The following ZNF704 variants were observed in gnomAD, a reference collection of about 807,000 sequenced individuals.
The protein encoded by ZNF704 is glucocorticoid induced gene 1.
Under a neutral mutation model 44.7 loss-of-function variants are expected in ZNF704, and 10 were observed. The observed-to-expected ratio is 0.22, with a 90% CI of 0.14 to 0.38. The LOEUF (loss-of-function observed/expected upper bound fraction) is 0.38, where lower values mean the gene tolerates loss of function less well. Among genes scored for constraint, ZNF704 ranks in the 10% least tolerant of loss-of-function variants. ZNF704 has a pLI of 1.00. For synonymous variants in ZNF704, 211 were observed against 207.6 expected, an observed-to-expected ratio of 1.02 and a Z score of -0.14; for missense variants, 390 against 545.5, an observed-to-expected ratio of 0.71 and a Z score of 2.84.
the ZNF704 span, among the ~76,000 whole-genome samples, chr8:80,882,198 G>T: frequency 6.6e-6 from 1 of 152,196 alleles, no homozygotes; most frequent in Non-Finnish European, 1.5e-5. Context: ...TGACTAGACG[G>T]CTTTACGAAA....
chr8:80,773,836 T>C (rs1045479122), intron 2 of ZNF704, among the ~76,000 whole-genome samples: 2 of 152,216 alleles, frequency 1.3e-5, no homozygotes, highest in African/African-American at 4.8e-5. Flanking sequence ...ATGTTCCTAA[T>C]TGTTCATTGA....
rs1332604363 is a variant in ZNF704, at chr8:80,635,059, T to C, written c.*6307A>G. On this transcript the variant is annotated 3_prime_UTR_variant, in exon 9 of 9. Coordinates refer to ENST00000327835, the MANE Select transcript of ZNF704 (RefSeq NM_001033723.3). The stretch of plus-strand genomic sequence containing the variant: ...TCTGAGTGACCTTCTGACCACCTCA[T>C]AAGAGCTGCCCAACGGGTGTATGGC... 3 of 152,232 alleles carry C rather than the reference T, an allele frequency of 2.0e-5. No homozygotes were observed. In the East Asian group the frequency reaches 5.8e-4, roughly 29 times the overall value. The allele number at this position is 152,232 out of a possible 1,614,324, so 9.4% of individuals were successfully genotyped here. A position where few individuals can be genotyped will look rare whatever the true frequency, so the allele number is the denominator to read the frequency against.
In ZNF704 at chr8:80,797,638, G is replaced by A. The variant is rs73262555; in HGVS notation, c.221+23736C>T. Among the ~76,000 whole-genome samples the A allele has an allele frequency of 6.3e-3, 955 of 152,198 alleles. 10 individuals are homozygous for A. Among genetic ancestry groups the A allele is most frequent in the African/African-American group, 0.021 (888 of 41,522 alleles). ...GGAGCAGAGACCTGCAAGGACCCTG[G>A]GCAGGAAGCCCACGGAGGGTTTCCT... On this transcript the variant is annotated intron_variant, in intron 2 of 8. Coordinates refer to ENST00000327835, the MANE Select transcript of ZNF704 (RefSeq NM_001033723.3).
chr8:80,815,102 T>C (rs1428586784), intron 2 of ZNF704, among the ~76,000 whole-genome samples: 8 of 152,214 alleles, frequency 5.3e-5, no homozygotes, highest in African/African-American at 1.9e-4. Flanking sequence ...TTTTAAACTA[T>C]ATAATTCCCA....
chr8:80,753,502 C>T (rs1030705916), intron 2 of ZNF704, among the ~76,000 whole-genome samples: 3 of 151,758 alleles, frequency 2.0e-5, no homozygotes, highest in Non-Finnish European at 4.4e-5. Context: ...CAGTGCTGAG[C>T]CCAAACAACA....
intron 1 of ZNF704, among the ~76,000 whole-genome samples, chr8:80,823,819 T>C (rs1808322503): frequency 6.6e-6 from 1 of 152,212 alleles, no homozygotes; most frequent in South Asian, 2.1e-4. Context: ...GGGTCTGAAG[T>C]GGACCTCCAG....
intron 6 of ZNF704, among the ~76,000 whole-genome samples, chr8:80,663,245 G>T (rs1818129558): frequency 6.6e-6 from 1 of 151,862 alleles, no homozygotes; most frequent in Admixed American, 6.6e-5. Flanking sequence ...GCTGGATGTG[G>T]TAGTGCACAC....
chr8:80,642,971 G>T, intron 8 of ZNF704, 64 bp downstream of exon 8: 1 of 1,088,180 alleles, frequency 9.2e-7, no homozygotes, highest in Non-Finnish European at 1.3e-6. Context: ...GGTTCTCTCT[G>T]CTGTTCTGTT....
At chr8:80,844,025 A>C (rs1291891357) in intron 1 of ZNF704, among the ~76,000 whole-genome samples, 1 of 151,218 alleles carries the variant, frequency 6.6e-6, no homozygotes, top group Non-Finnish European at 1.5e-5. Flanking sequence ...GTGTCACTAA[A>C]AGTCTATGTT....
chr8:80,829,611 G>GA (rs964461768), intron 1 of ZNF704, among the ~76,000 whole-genome samples: 20 of 149,586 alleles, frequency 1.3e-4, no homozygotes, highest in East Asian at 5.9e-4. Flanking sequence ...AAAAATTTAG[G>GA]AAAAAAAAAC....
chr8:80,772,529 G>A (rs1318114643), intron 2 of ZNF704, among the ~76,000 whole-genome samples: 1 of 152,026 alleles, frequency 6.6e-6, no homozygotes, highest in Non-Finnish European at 1.5e-5. Context: ...GAGAGGAGAG[G>A]TGTTACACGC....
intron 2 of ZNF704, among the ~76,000 whole-genome samples, chr8:80,787,089 T>A (rs936725488): frequency 6.6e-6 from 1 of 152,184 alleles, no homozygotes; most frequent in African/African-American, 2.4e-5. Flanking sequence ...TGGCAAATAT[T>A]TGAACCACTG....
At chr8:80,671,422 C>A (rs764377915) in intron 4 of ZNF704, among the ~76,000 whole-genome samples, 4 of 152,140 alleles carry the variant, frequency 2.6e-5, no homozygotes, top group Non-Finnish European at 5.9e-5. Flanking sequence ...TCTCAGTGCT[C>A]TTATTTATAA....
intron 7 of ZNF704, among the ~76,000 whole-genome samples, chr8:80,646,000 T>C (rs1267538399): frequency 2.0e-5 from 3 of 152,124 alleles, no homozygotes; most frequent in Non-Finnish European, 2.9e-5. Flanking sequence ...AAGGGCCAGT[T>C]TGGCCCCCCT....
chr8:80,851,958 TAG>T (rs1420033166), intron 1 of ZNF704, among the ~76,000 whole-genome samples: 1 of 152,140 alleles, frequency 6.6e-6, no homozygotes, highest in Non-Finnish European at 1.5e-5. Flanking sequence ...GACTCCCATT[TAG>T]AGAGTAAGGA....
At chr8:80,782,053 A>G (rs1201176675) in intron 2 of ZNF704, among the ~76,000 whole-genome samples, 1 of 152,176 alleles carries the variant, frequency 6.6e-6, no homozygotes, top group East Asian at 1.9e-4. Context: ...ATATTAGGAA[A>G]TTACTGCTTA....
chr8:80,691,895 C>T (rs1320621076), intron 3 of ZNF704, among the ~76,000 whole-genome samples: 1 of 152,246 alleles, frequency 6.6e-6, no homozygotes, highest in Non-Finnish European at 1.5e-5. Flanking sequence ...AGCACACCAA[C>T]TGCCTGGAAG....
At chr8:80,676,721 T>A (rs988040078) in intron 4 of ZNF704, among the ~76,000 whole-genome samples, 1 of 152,226 alleles carries the variant, frequency 6.6e-6, no homozygotes, top group African/African-American at 2.4e-5. Flanking sequence ...AAGGCAATTT[T>A]TCCAGGGACT....
intron 1 of ZNF704, chr8:80,873,684 C>G: frequency 6.5e-6 from 1 of 154,574 alleles, no homozygotes; most frequent in South Asian, 1.9e-4. Context: ...TCCTCGTCGT[C>G]ATCCTCCTCC....
Sources: allele counts gnomAD v4.1 joint callset (sites outside exome capture counted in the v4.1 genomes callset), GRCh38; gene constraint gnomAD v4.1.1; transcripts MANE v1.5; gene names NCBI Gene and HGNC (gene_info 2026-07-23, HGNC 2026-07-21).